Variants in NMI observed in about 807,000 individuals in gnomAD.
NMI encodes N-myc and STAT interactor, also known as N-myc-interactor.
In NMI, 39 loss-of-function variants were observed where a neutral mutation model predicts 34.3. That is an observed-to-expected ratio of 1.14 (90% CI 0.88 to 1.49). NMI has a LOEUF of 1.49. Among genes scored for constraint, NMI ranks in the 40% most tolerant of loss-of-function variants. NMI has a pLI of 0.00. For missense variants in NMI, 339 were observed against 358.1 expected (o/e 0.95, Z 0.43); for synonymous variants, 113 against 120.3 (o/e 0.94, Z 0.40).
At chr2:151,279,755 C>T (rs1028126655) in intron 3 of NMI, among the ~76,000 whole-genome samples, 3 of 152,132 alleles carry the variant, frequency 2.0e-5, no homozygotes, top group East Asian at 3.9e-4. Flanking sequence ...GGATTACAGG[C>T]GTGAGCCACC....
chr2:151,272,401 T>C (rs910085826), intron 6 of NMI, among the ~76,000 whole-genome samples: 4 of 152,224 alleles, frequency 2.6e-5, no homozygotes, highest in African/African-American at 9.6e-5. Context: ...ATCAGCAATA[T>C]GGTACAATGA....
In NMI at chr2:151,281,116, G is replaced by T. The variant is rs1683394526; in HGVS notation, c.177+832C>A. On this transcript the variant is annotated intron_variant, in intron 3 of 7. Transcript: ENST00000243346. The stretch of plus-strand genomic sequence containing the variant: ...GCCTCCCAAAGTGCTGGGATTACAG[G>T]CATGAGCCACCGCGCCCAGCCTCAA... Among the ~76,000 whole-genome samples, 12 of 152,106 alleles carry T rather than the reference G, an allele frequency of 7.9e-5. No individual in the cohort carries two copies. In the South Asian group the frequency reaches 2.5e-3, roughly 32 times the overall value.
In NMI at chr2:151,271,711, T is replaced by C. The variant is rs1220498899; in HGVS notation, c.656A>G (p.Lys219Arg). 1.3e-6 allele frequency: 2 copies of C among 1,561,926 alleles called. No individual in the cohort carries two copies. The highest frequency in any genetic ancestry group is 2.3e-5 in the South Asian group (2 of 87,758). Residue 219 changes from lysine to arginine, a missense_variant, in exon 7 of 8, where the codon AAG becomes AGG. Lys to Arg is a conservative substitution (Grantham distance 26). Coordinates refer to ENST00000243346, the MANE Select transcript of NMI (RefSeq NM_004688.3). Reference sequence around the variant, plus strand: ...ATTTATATAAAGAGGGTATTCTTTCTTTTTCAAAATCTTGTCAGCCACTAA... The same window carrying C: ...ATTTATATAAAGAGGGTATTCTTTCCTTTTCAAAATCTTGTCAGCCACTAA... ...EIGVADKILK[K>R]KEYPLYINQT...
chr2:151,284,751 A>T (rs146776829), intron 1 of NMI, among the ~76,000 whole-genome samples: 2 of 152,354 alleles, frequency 1.3e-5, no homozygotes, highest in East Asian at 3.9e-4. Context: ...GGATATCATG[A>T]TTCTATGTTT....
rs1399892714 is a variant in NMI, at chr2:151,276,358, CCAAAGT to C, written c.341-500_341-495del. Among the ~76,000 whole-genome samples the C allele has an allele frequency of 2.0e-5, 3 of 152,040 alleles. No homozygotes were observed. In the East Asian group the frequency reaches 5.8e-4, roughly 29 times the overall value. The stretch of plus-strand genomic sequence containing the variant: ...TCAGGATGAGCCACTGCTCTTGGTC[CCAAAGT>C]AGAATATATTAATGTCAAAGTATAT... On this transcript the variant is annotated intron_variant, in intron 4 of 7. Transcript: ENST00000243346.
At chr2:151,283,015 G>C in intron 1 of NMI, 61 bp from the exon 2 acceptor site, 1 of 821,390 alleles carries the variant, frequency 1.2e-6, no homozygotes, top group Non-Finnish European at 1.8e-6. Context: ...TAAGAACAAA[G>C]AAATAAGAAC....
intron 4 of NMI, among the ~76,000 whole-genome samples, chr2:151,276,219 AT>A (rs1361005086): frequency 6.6e-6 from 1 of 151,896 alleles, no homozygotes; most frequent in African/African-American, 2.4e-5. Context: ...CGCCTAGCTA[AT>A]TTTTTTAACT....
chr2:151,280,855 T>C (rs1683386691), intron 3 of NMI, among the ~76,000 whole-genome samples: 1 of 151,812 alleles, frequency 6.6e-6, no homozygotes, highest in South Asian at 2.1e-4. Context: ...TTAATTTTTT[T>C]TTTTTTAGGC....
chr2:151,276,984 G>A (rs1027849937), intron 4 of NMI, among the ~76,000 whole-genome samples: 3 of 152,168 alleles, frequency 2.0e-5, no homozygotes, highest in Admixed American at 1.3e-4. Context: ...ATGTGAGTGG[G>A]CATTTATTTT....
chr2:151,281,127 C>T (rs552137220), intron 3 of NMI, among the ~76,000 whole-genome samples: 9 of 152,018 alleles, frequency 5.9e-5, no homozygotes, highest in Non-Finnish European at 1.3e-4. Flanking sequence ...CATGAGCCAC[C>T]GCGCCCAGCC....
At position 151,289,631 on chromosome 2, in the gene NMI, C is replaced by G. The variant is rs555258061; in HGVS notation, c.-45G>C. The G allele has an allele frequency of 1.2e-3, 190 of 152,398 alleles. No homozygotes were observed. The highest frequency in any genetic ancestry group is 4.3e-3 in the African/African-American group (178 of 41,598). The allele number at this position is 152,398 out of a possible 1,614,324, so 9.4% of individuals were successfully genotyped here. On this transcript the variant is annotated 5_prime_UTR_variant, in exon 1 of 8. Coordinates refer to ENST00000243346, the MANE Select transcript of NMI (RefSeq NM_004688.3). The stretch of plus-strand genomic sequence containing the variant: ...CCGAGCGCAGCTCCCCAAGGCCCAG[C>G]GCGCCTGCCCTTCCCGGAAAACAGC...
intron 1 of NMI, among the ~76,000 whole-genome samples, chr2:151,283,478 G>T (rs1261634884): frequency 1.3e-5 from 2 of 152,138 alleles, no homozygotes; most frequent in East Asian, 3.9e-4. Flanking sequence ...TATATAAAAA[G>T]ATTCTAAAAA....
chr2:151,281,611 T>C (rs1466188849), intron 3 of NMI, among the ~76,000 whole-genome samples: 1 of 152,210 alleles, frequency 6.6e-6, no homozygotes, highest in East Asian at 1.9e-4. Flanking sequence ...TCAAACATCC[T>C]GCTTTTGCTT....
At chr2:151,272,492 C>T (rs2105201448) in intron 6 of NMI, among the ~76,000 whole-genome samples, 1 of 152,236 alleles carries the variant, frequency 6.6e-6, no homozygotes, top group South Asian at 2.1e-4. Context: ...TAAAATGGTA[C>T]AGCCACTGTA....
intron 1 of NMI, among the ~76,000 whole-genome samples, chr2:151,285,398 G>A (rs866536117): frequency 7.6e-6 from 1 of 131,134 alleles, no homozygotes. Flanking sequence ...TAGATAGATA[G>A]ATAGATAAAT....
intron 6 of NMI, among the ~76,000 whole-genome samples, chr2:151,272,144 A>G (rs1683200024): frequency 6.6e-6 from 1 of 150,738 alleles, no homozygotes; most frequent in South Asian, 2.1e-4. Context: ...TTTTTTCAAT[A>G]TATTCAATAA....
At chr2:151,277,928 C>T (rs1434344647) in intron 4 of NMI, 6 of 152,136 alleles carry the variant, frequency 3.9e-5, no homozygotes, top group African/African-American at 1.4e-4. Flanking sequence ...AGTGGAAGTA[C>T]ATGGACTCTC....
chr2:151,280,195 CA>C (rs10645520), intron 3 of NMI, among the ~76,000 whole-genome samples: 19 of 136,398 alleles, frequency 1.4e-4, no homozygotes, highest in South Asian at 2.4e-4. Context: ...AACTCTGTTT[CA>C]AAAAAAAAAA....
chr2:151,272,299 G>A (rs1053662713), intron 6 of NMI, among the ~76,000 whole-genome samples: 16 of 152,176 alleles, frequency 1.1e-4, no homozygotes, highest in Admixed American at 3.3e-4. Context: ...AGTGGTGAAA[G>A]GATGTGTGTC....
Sources: gnomAD v4.1 joint callset for allele counts (sites outside exome capture counted in the v4.1 genomes callset) on GRCh38, gnomAD v4.1.1 for gene constraint, MANE v1.5 for transcripts, NCBI Gene and HGNC (gene_info 2026-07-23, HGNC 2026-07-21) for gene names.